The following CRLS1 variants were observed in gnomAD, a reference collection of about 807,000 sequenced individuals.
CRLS1 encodes cardiolipin synthase 1, also known as cardiolipin synthase (CMP-forming).
CRLS1 carries 24 observed loss-of-function variants against 37.0 expected under a neutral mutation model. The observed-to-expected ratio is 0.65, with a 90% CI of 0.47 to 0.91. CRLS1 has a LOEUF of 0.91. Ranked by LOEUF, CRLS1 falls within the 40% of genes least tolerant of loss-of-function variation. CRLS1 has a pLI of 0.00. For synonymous variants in CRLS1, 135 were observed against 159.7 expected, an observed-to-expected ratio of 0.85 and a Z score of 1.17; for missense variants, 373 against 395.8, an observed-to-expected ratio of 0.94 and a Z score of 0.49.
chr20:6,007,288 C>T, intron 1 of CRLS1: 1 of 1,564,150 alleles, frequency 6.4e-7, no homozygotes, highest in South Asian at 1.2e-5. Flanking sequence ...CAGATCCTGG[C>T]AGGGGTCTCA....
In CRLS1 at chr20:6,023,526, T is replaced by C. The variant is rs577199248; in HGVS notation, c.575-7759T>C. ...CCTAGCTGCAGGCTAGAAGGTGGTT[T>C]ATCAGAGCCCAACTTCGAGGGCTCT... is the stretch of plus-strand genomic sequence containing the variant. On this transcript the variant is annotated intron_variant, in intron 3 of 6. Transcript: ENST00000378863. The C allele has an allele frequency of 6.4e-4, 97 of 152,324 alleles. 1 individual carries two copies. The highest frequency in any genetic ancestry group is 2.3e-3 in the African/African-American group (94 of 41,568). 9.4% of individuals were successfully genotyped at this position (152,324 alleles called of 1,614,324 possible). A position where few individuals can be genotyped will look rare whatever the true frequency, so the allele number is the denominator to read the frequency against.
At chr20:6,019,798 A>T (rs1979101017) in intron 3 of CRLS1, among the ~76,000 whole-genome samples, 1 of 147,214 alleles carries the variant, frequency 6.8e-6, no homozygotes, top group South Asian at 2.1e-4. Context: ...AGTAGCTAGG[A>T]TTACAGGTGT....
intron 1 of CRLS1, 77 bp downstream of exon 1, chr20:6,006,629 G>C: frequency 8.2e-7 from 1 of 1,226,024 alleles, no homozygotes; most frequent in Non-Finnish European, 1.0e-6. Flanking sequence ...CAAGCTCTGG[G>C]TGGTGCAGCT....
At chr20:6,034,114 CTTAG>C (rs901979858) in intron 5 of CRLS1, among the ~76,000 whole-genome samples, 11 of 152,302 alleles carry the variant, frequency 7.2e-5, no homozygotes, top group Non-Finnish European at 1.2e-4. Flanking sequence ...GAAGAGGTAG[CTTAG>C]TTATTTTCGT....
intron 3 of CRLS1, among the ~76,000 whole-genome samples, chr20:6,027,300 G>T (rs977809511): frequency 1.3e-5 from 2 of 152,008 alleles, no homozygotes; most frequent in Admixed American, 1.3e-4. Flanking sequence ...GACCAGGCTG[G>T]TCTCGAACTC....
intron 2 of CRLS1, among the ~76,000 whole-genome samples, chr20:6,013,225 T>A (rs1978474962): frequency 2.5e-5 from 1 of 40,060 alleles, no homozygotes; most frequent in South Asian, 1.1e-3. Context: ...GTTTGGCCTT[T>A]TTTTTTTTTT....
rs11087708 is a variant in CRLS1 at position 6,039,743 on chromosome 20, TAAAAAAAAA to T, written c.*2592_*2600del. 6.9e-6 allele frequency: 1 copy of T among 144,886 alleles called. No homozygotes were observed. 9.0% of individuals were successfully genotyped at this position (144,886 alleles called of 1,614,324 possible). On this transcript the variant is annotated 3_prime_UTR_variant, in exon 7 of 7. Transcript: ENST00000378863. ...GGCCCCAATAACTAGGTTTTTTTGT[TAAAAAAAAA>T]AAAAAAGGAAATGTGAACAGAGAGA...
At position 6,034,362 on chromosome 20, in the gene CRLS1, G is replaced by C. The variant is rs577275848; in HGVS notation, c.730-102G>C. The C allele has an allele frequency of 2.5e-4, 179 of 726,514 alleles. 9 individuals are homozygous for C. In the South Asian group the frequency reaches 2.9e-3, roughly 12 times the overall value. 45.0% of individuals were successfully genotyped at this position (726,514 alleles called of 1,614,324 possible). A position where few individuals can be genotyped will look rare whatever the true frequency, so the allele number is the denominator to read the frequency against. On this transcript the variant is annotated intron_variant, in intron 5 of 6. Transcript: ENST00000378863. ...TAGATGAACAGCAAGCATGCTGAGG[G>C]TATGTCATGTTATAGTGTGATGGGC...
At chr20:6,016,627 A>G (rs1978774900) in intron 3 of CRLS1, among the ~76,000 whole-genome samples, 1 of 152,216 alleles carries the variant, frequency 6.6e-6, no homozygotes, top group South Asian at 2.1e-4. Context: ...AGTATTTTAC[A>G]AAGGTTGGCC....
intron 3 of CRLS1, 109 bp from the exon 4 acceptor site, chr20:6,031,176 T>C: frequency 1.6e-6 from 1 of 643,076 alleles, no homozygotes; most frequent in Non-Finnish European, 2.5e-6. Flanking sequence ...AATTTCTATT[T>C]GTGAAAACAG....
intron 5 of CRLS1, among the ~76,000 whole-genome samples, chr20:6,033,671 T>G (rs1980348267): frequency 6.6e-6 from 1 of 152,088 alleles, no homozygotes; most frequent in Non-Finnish European, 1.5e-5. Context: ...GAGAGGTTCT[T>G]TTATGGAGAT....
At chr20:6,031,238 G>A (rs1474006484) in intron 3 of CRLS1, 47 bp from the exon 4 acceptor site, 2 of 1,269,120 alleles carry the variant, frequency 1.6e-6, no homozygotes, top group Non-Finnish European at 1.1e-6. Context: ...ATGCATATTA[G>A]TACTCTTCAG....
intron 3 of CRLS1, among the ~76,000 whole-genome samples, chr20:6,029,654 G>A (rs986157527): frequency 6.6e-6 from 1 of 152,168 alleles, no homozygotes; most frequent in Non-Finnish European, 1.5e-5. Context: ...CCACCGTGCA[G>A]GTTTGCTGCA....
At chr20:6,018,238 T>TA (rs370634124) in intron 3 of CRLS1, among the ~76,000 whole-genome samples, 2 of 99,216 alleles carry the variant, frequency 2.0e-5, no homozygotes, top group African/African-American at 8.7e-5. Context: ...AAAAAAAAAA[T>TA]TATTTTCTTA....
chr20:6,031,310 G>A lies in CRLS1; in HGVS notation c.600G>A (p.Ser200=), dbSNP rs773179333. The A allele has an allele frequency of 5.6e-6, 9 of 1,606,810 alleles. No individual in the cohort carries two copies. The highest frequency in any genetic ancestry group is 2.2e-5 in the South Asian group (2 of 89,246). The change falls in exon 4 of 7, where the codon TCG becomes TCA. Residue 200 remains serine (S), a synonymous_variant. Coordinates refer to ENST00000378863, the MANE Select transcript of CRLS1 (RefSeq NM_019095.6). ...IPVPLTYMII[S]RDVMLIAAVF... is the part of the protein sequence containing the mutation. ...TTCCACTTACTTACATGATCATTTC[G>A]AGAGATGTAATGTTGATTGCTGCTG...
At position 6,010,398 on chromosome 20, in the gene CRLS1, G is replaced by T. The variant is rs117711094; in HGVS notation, c.444+486G>T. ...CATGTAGAAGTCATAGCTTTGCTCA[G>T]GTTTCATGCTAGCAGAAGGCTGTAG... is the stretch of plus-strand genomic sequence containing the variant. On this transcript the variant is annotated intron_variant, in intron 2 of 6. Coordinates refer to ENST00000378863, the MANE Select transcript of CRLS1 (RefSeq NM_019095.6). Among the ~76,000 whole-genome samples the T allele has an allele frequency of 2.0e-3, 309 of 152,316 alleles. 3 individuals are homozygous for T. Among genetic ancestry groups the T allele is most frequent in the East Asian group, 0.016 (83 of 5,188 alleles).
At chr20:6,032,660 C>T (rs572424978) in intron 5 of CRLS1, among the ~76,000 whole-genome samples, 1 of 152,304 alleles carries the variant, frequency 6.6e-6, no homozygotes, top group South Asian at 2.1e-4. Context: ...CACTAATAAA[C>T]AACTGCTACT....
rs1264816434 is a variant in CRLS1, at chr20:6,038,213, A to G, written c.*1055A>G. 3 of 152,108 alleles carry G rather than the reference A, an allele frequency of 2.0e-5. No individual in the cohort carries two copies. Among genetic ancestry groups the G allele is most frequent in the Non-Finnish European group, 4.4e-5 (3 of 68,054 alleles). 9.4% of individuals were successfully genotyped at this position (152,108 alleles called of 1,614,324 possible). ...CTGTTGCTACACGTACATCATGTTTAGGAGAATGTGGGATATGGGGAAGGG... is the reference window on the plus strand; with the variant it reads ...CTGTTGCTACACGTACATCATGTTTGGGAGAATGTGGGATATGGGGAAGGG... On this transcript the variant is annotated 3_prime_UTR_variant, in exon 7 of 7. Transcript: ENST00000378863.
chr20:6,025,178 A>G (rs1294646908), intron 3 of CRLS1, among the ~76,000 whole-genome samples: 3 of 152,220 alleles, frequency 2.0e-5, no homozygotes, highest in Non-Finnish European at 4.4e-5. Context: ...GAGAGAGGTC[A>G]GTGCATGGGC....
Sources: gnomAD v4.1 joint callset for allele counts (sites outside exome capture counted in the v4.1 genomes callset) on GRCh38, gnomAD v4.1.1 for gene constraint, MANE v1.5 for transcripts, NCBI Gene and HGNC (gene_info 2026-07-23, HGNC 2026-07-21) for gene names.